The following PARP11 variants were observed in gnomAD, a reference collection of about 807,000 sequenced individuals.
PARP11 encodes protein mono-ADP-ribosyltransferase PARP11.
Under a neutral mutation model 42.9 loss-of-function variants are expected in PARP11, and 31 were observed. The ratio of observed to expected loss-of-function variants is 0.72; its 90% CI spans 0.54 to 0.98. PARP11 has a LOEUF of 0.98. Among genes scored for constraint, PARP11 ranks in the 50% least tolerant of loss-of-function variants. The pLI, the probability that PARP11 is intolerant of heterozygous loss-of-function variation, is 0.00. For synonymous variants in PARP11, 137 were observed against 127.3 expected, an observed-to-expected ratio of 1.08 and a Z score of -0.51; for missense variants, 365 against 413.1, an observed-to-expected ratio of 0.88 and a Z score of 1.01.
Position 3,867,666 on chromosome 12 carries a change from T to C in PARP11, c.18+5546A>G, listed in dbSNP as rs1280550648. 2.0e-5 allele frequency among the ~76,000 whole-genome samples: 3 copies of C among 152,248 alleles called. No individual in the cohort carries two copies. The East Asian group carries it at 5.8e-4, about 29-fold the overall frequency. The stretch of plus-strand genomic sequence containing the variant: ...GATGTGATTCCTTCCCAAAACCTGA[T>C]GGTTTTCTTCACTTCTTAGAGTGAG... On this transcript the variant is annotated intron_variant, in intron 1 of 7. Transcript: ENST00000228820.
rs1947902391 is a variant in PARP11 at position 3,842,136 on chromosome 12, C to T, written c.19-12118G>A. On this transcript the variant is annotated intron_variant, in intron 1 of 7. Transcript: ENST00000228820. ...TGAACCTAAAAGGACCATTCAAAGT[C>T]TGAAAGAAAAAACAGAAAAAGTAAA... 4.3e-6 allele frequency: 7 copies of T among 1,611,786 alleles called. No homozygotes were observed. The African/African-American group carries it at 8.0e-5, about 18-fold the overall frequency.
chr12:3,827,090 T>C (rs551389110), intron 3 of PARP11, among the ~76,000 whole-genome samples: 1 of 152,348 alleles, frequency 6.6e-6, no homozygotes, highest in South Asian at 2.1e-4. Flanking sequence ...CATCTCAGCA[T>C]GTGGAGCAAG....
At chr12:3,856,480 C>CA (rs1948192048) in intron 1 of PARP11, among the ~76,000 whole-genome samples, 1 of 152,208 alleles carries the variant, frequency 6.6e-6, no homozygotes, top group African/African-American at 2.4e-5. Context: ...AGACACTTTT[C>CA]AAAAGGAGAC....
rs1267157873 is a variant in PARP11 at position 3,840,132 on chromosome 12, C to T, written c.19-10114G>A. 9.9e-6 allele frequency: 16 copies of T among 1,610,536 alleles called. No individual in the cohort carries two copies. The highest frequency in any genetic ancestry group is 1.4e-5 in the Non-Finnish European group (16 of 1,176,840). On this transcript the variant is annotated intron_variant, in intron 1 of 7. Coordinates refer to ENST00000228820, the MANE Select transcript of PARP11 (RefSeq NM_020367.6). This position sits in a 1 kb window ranked among gnomAD's most constrained non-coding sequence, Gnocchi z 4.4. The stretch of plus-strand genomic sequence containing the variant: ...AAGCTCAGCAAAAACGTGATTATTC[C>T]ATTGCTGCTGGCTTACAATATGAAG...
Position 3,812,155 on chromosome 12 carries a change from T to C in PARP11, c.985A>G (p.Ile329Val). The change falls in exon 8 of 8, where the codon ATC (isoleucine) becomes GTC (valine). Residue 329 changes from isoleucine (I) to valine (V), a missense_variant. Ile to Val is a conservative substitution (Grantham distance 29, BLOSUM62 3). Coordinates refer to ENST00000228820, the MANE Select transcript of PARP11 (RefSeq NM_020367.6). ...KIFVVFDANQ[I>V]YPEYLIDFH ...AAGTCTATCAAGTACTCAGGATAGA[T>C]TTGGTTGGCATCAAAAACCACAAAG... is the stretch of plus-strand genomic sequence containing the variant. 6.2e-7 allele frequency: 1 copy of C among 1,613,662 alleles called. No homozygotes were observed. Among genetic ancestry groups the C allele is most frequent in the South Asian group, 1.1e-5 (1 of 91,032 alleles).
Position 3,849,724 on chromosome 12 carries a change from A to G in PARP11, c.19-19706T>C, listed in dbSNP as rs186626469. On this transcript the variant is annotated intron_variant, in intron 1 of 7. Coordinates refer to ENST00000228820, the MANE Select transcript of PARP11 (RefSeq NM_020367.6). ...TATACAGTTAGATATAAGAAATAAG[A>G]CCTAGAAGTGATAAGACCTAGTGTT... Among the ~76,000 whole-genome samples, 413 of 152,184 alleles carry G rather than the reference A, an allele frequency of 2.7e-3. 5 individuals carry two copies. Among genetic ancestry groups the G allele is most frequent in the Admixed American group, 6.4e-3 (98 of 15,276 alleles).
intron 3 of PARP11, among the ~76,000 whole-genome samples, chr12:3,826,655 T>G (rs1161535705): frequency 6.6e-6 from 1 of 152,204 alleles, no homozygotes; most frequent in African/African-American, 2.4e-5. Flanking sequence ...CTCCAAAAAT[T>G]TTGGAAATGA....
chr12:3,858,730 T>A (rs534296062), intron 1 of PARP11, among the ~76,000 whole-genome samples: 1 of 152,272 alleles, frequency 6.6e-6, no homozygotes, highest in South Asian at 2.1e-4. Context: ...TGCTTAGTTA[T>A]CCTGAACACA....
rs551055704 is a variant in PARP11, at chr12:3,840,983, T to C, written c.19-10965A>G. 11 of 1,608,128 alleles carry C rather than the reference T, an allele frequency of 6.8e-6. No individual in the cohort carries two copies. The highest frequency in any genetic ancestry group is 1.7e-5 in the Admixed American group (1 of 60,020). On this transcript the variant is annotated intron_variant, in intron 1 of 7. Transcript: ENST00000228820. This position sits in a 1 kb window ranked among gnomAD's most constrained non-coding sequence, Gnocchi z 4.4. ...GCCTGGCCAAGTGAACCTACAACTT[T>C]TGGACCAACAGGTGTCCCTGCTCCA...
chr12:3,843,761 C>T (rs924094895), intron 1 of PARP11, among the ~76,000 whole-genome samples: 3 of 152,166 alleles, frequency 2.0e-5, no homozygotes, highest in Admixed American at 2.0e-4. Context: ...AGTATTCATT[C>T]ATCTGTGTTA....
chr12:3,863,129 G>A (rs920382899), intron 1 of PARP11, among the ~76,000 whole-genome samples: 1 of 152,144 alleles, frequency 6.6e-6, no homozygotes, highest in Non-Finnish European at 1.5e-5. Context: ...TGATAGTACT[G>A]TAAGTGGAAT....
In PARP11 at chr12:3,814,152, A is replaced by AGG; in HGVS notation, c.583_584dup (p.Gln196LeufsTer29). Reference sequence around the variant, plus strand: ...GAAACAGCATTTGTTCATTAATCTGAGGCACACCTCTTTTTTTCTTGAGCT... The same window carrying AGG: ...GAAACAGCATTTGTTCATTAATCTGAGGGGCACACCTCTTTTTTTCTTGAGCT... On this transcript the variant is annotated frameshift_variant, in exon 7 of 8. Transcript: ENST00000228820. LOFTEE classifies it high-confidence loss of function. The AGG allele has an allele frequency of 6.2e-7, 1 of 1,606,128 alleles. No individual in the cohort carries two copies.
chr12:3,857,286 A>T (rs186426263), intron 1 of PARP11, among the ~76,000 whole-genome samples: 5 of 152,162 alleles, frequency 3.3e-5, no homozygotes, highest in African/African-American at 7.2e-5. Flanking sequence ...TAATAATAAT[A>T]AAAAAAAGAT....
At chr12:3,845,735 AAT>A (rs1947982681) in intron 1 of PARP11, among the ~76,000 whole-genome samples, 1 of 152,202 alleles carries the variant, frequency 6.6e-6, no homozygotes, top group Admixed American at 6.5e-5. Flanking sequence ...TCTCATTTCC[AAT>A]ATGTTATTTT....
At chr12:3,818,966 T>A (rs1947343777) in intron 6 of PARP11, among the ~76,000 whole-genome samples, 1 of 152,170 alleles carries the variant, frequency 6.6e-6, no homozygotes, top group Non-Finnish European at 1.5e-5. Flanking sequence ...CCTGGTCATC[T>A]TCTTCATTCC....
intron 6 of PARP11, among the ~76,000 whole-genome samples, chr12:3,821,126 T>C (rs1222478695): frequency 6.6e-6 from 1 of 152,246 alleles, no homozygotes; most frequent in Non-Finnish European, 1.5e-5. Flanking sequence ...AGGTTCATTA[T>C]ATTAGACTCT....
chr12:3,841,762 G>C, intron 1 of PARP11: 1 of 1,612,542 alleles, frequency 6.2e-7, no homozygotes, highest in East Asian at 2.2e-5. Flanking sequence ...TGTTTGGCAT[G>C]GGTACCCTTT....
chr12:3,812,498 G>C, intron 7 of PARP11, 59 bp from the exon 8 acceptor site: 1 of 1,289,352 alleles, frequency 7.8e-7, no homozygotes, highest in Non-Finnish European at 1.1e-6. Flanking sequence ...TTAAAAACAA[G>C]CAAAAACATT....
At chr12:3,847,781 T>TC (rs1211650666) in intron 1 of PARP11, among the ~76,000 whole-genome samples, 4 of 152,204 alleles carry the variant, frequency 2.6e-5, no homozygotes, top group African/African-American at 7.2e-5. Flanking sequence ...ATGTCCAGTT[T>TC]CACTACTGTT....
Sources: allele counts gnomAD v4.1 joint callset (sites outside exome capture counted in the v4.1 genomes callset), GRCh38; gene constraint gnomAD v4.1.1; non-coding constraint Gnocchi (gnomAD v3.1); transcripts MANE v1.5; gene names NCBI Gene and HGNC (gene_info 2026-07-23, HGNC 2026-07-21).